CNOT2: variants seen among roughly 807,000 people sequenced by gnomAD.
CNOT2 encodes the protein CCR4-NOT transcription complex subunit 2.
CNOT2 carries 7 observed loss-of-function variants against 72.1 expected under a neutral mutation model. The observed-to-expected ratio is 0.10, with a 90% CI of 0.06 to 0.18. CNOT2 has a LOEUF of 0.18. Among genes scored for constraint, CNOT2 ranks in the 10% least tolerant of loss-of-function variants. The probability of loss-of-function intolerance (pLI) is 1.00; values close to 1 mark genes in which losing one functional copy is unlikely to be tolerated. For synonymous variants in CNOT2, 196 were observed against 225.6 expected, an observed-to-expected ratio of 0.87 and a Z score of 1.17; for missense variants, 345 against 660.3, an observed-to-expected ratio of 0.52 and a Z score of 5.23.
chr12:70,328,534 T>G (rs1186638441), intron 4 of CNOT2, among the ~76,000 whole-genome samples: 1 of 151,892 alleles, frequency 6.6e-6, no homozygotes, highest in African/African-American at 2.4e-5. Flanking sequence ...TTCTTGACTT[T>G]GAAGCATAAA....
intron 14 of CNOT2, 21 bp from the exon 15 acceptor site, chr12:70,346,157 ATC>A: frequency 6.4e-7 from 1 of 1,551,532 alleles, no homozygotes; most frequent in Non-Finnish European, 8.9e-7. Flanking sequence ...AAAGTTAATT[ATC>A]TTTTCTTTTA....
intron 1 of CNOT2, among the ~76,000 whole-genome samples, chr12:70,247,158 T>C (rs1298593516): frequency 6.6e-6 from 1 of 152,088 alleles, no homozygotes; most frequent in Admixed American, 6.6e-5. Context: ...ACATTTTCTT[T>C]TCCTTATTCT....
chr12:70,281,100 C>A (rs80126875), intron 2 of CNOT2, among the ~76,000 whole-genome samples: 81 of 88,832 alleles, frequency 9.1e-4, no homozygotes, highest in Admixed American at 4.2e-3. Flanking sequence ...TTTTTTTTTT[C>A]TTTTTTTTTG....
intron 4 of CNOT2, 42 bp downstream of exon 4, chr12:70,319,406 G>C: frequency 6.4e-7 from 1 of 1,563,968 alleles, no homozygotes; most frequent in East Asian, 2.2e-5. Flanking sequence ...TATTTAAAGA[G>C]AAAAATAAGT....
chr12:70,305,955 G>C (rs1028392306), intron 2 of CNOT2, among the ~76,000 whole-genome samples: 20 of 117,076 alleles, frequency 1.7e-4, no homozygotes, highest in African/African-American at 6.6e-4. Flanking sequence ...GTATTTAAAT[G>C]TTGAGAATGT....
At chr12:70,353,439 T>C (rs1032696003) in intron 15 of CNOT2, among the ~76,000 whole-genome samples, 3 of 152,318 alleles carry the variant, frequency 2.0e-5, no homozygotes, top group South Asian at 4.1e-4. Context: ...ACTTTTTTCA[T>C]GGACAAAATC....
intron 2 of CNOT2, among the ~76,000 whole-genome samples, chr12:70,295,028 A>T (rs1872593365): frequency 6.6e-6 from 1 of 152,060 alleles, no homozygotes. Flanking sequence ...TCATGATCTA[A>T]ACATCACAGA....
chr12:70,331,970 T>A (rs1365559823), intron 6 of CNOT2, among the ~76,000 whole-genome samples: 3 of 144,248 alleles, frequency 2.1e-5, no homozygotes, highest in South Asian at 2.2e-4. Flanking sequence ...TTCTGCCTTA[T>A]TTTTTTTTTT....
At chr12:70,318,369 T>A (rs997085440) in intron 3 of CNOT2, among the ~76,000 whole-genome samples, 1 of 151,918 alleles carries the variant, frequency 6.6e-6, no homozygotes. Context: ...ATTACAAATC[T>A]TTATTTTTTT....
intron 1 of CNOT2, among the ~76,000 whole-genome samples, chr12:70,270,439 G>T (rs1244298702): frequency 6.6e-6 from 1 of 152,032 alleles, no homozygotes. Flanking sequence ...TACATTAATA[G>T]TATACTACCA....
At chr12:70,280,607 A>G (rs1259756752) in intron 2 of CNOT2, among the ~76,000 whole-genome samples, 2 of 152,188 alleles carry the variant, frequency 1.3e-5, no homozygotes, top group Non-Finnish European at 2.9e-5. Context: ...ATAATAGGCT[A>G]ATATTGAAGA....
chr12:70,297,896 C>G (rs918909223), intron 2 of CNOT2: 1 of 185,498 alleles, frequency 5.4e-6, no homozygotes, highest in Non-Finnish European at 1.2e-5. Flanking sequence ...ACCACCACGC[C>G]CAACTAATTT....
chr12:70,304,193 G>A (rs956338092), intron 2 of CNOT2, among the ~76,000 whole-genome samples: 6 of 151,292 alleles, frequency 4.0e-5, no homozygotes, highest in African/African-American at 1.5e-4. Flanking sequence ...AAGCCTTCTT[G>A]TCTCAACTCA....
intron 7 of CNOT2, among the ~76,000 whole-genome samples, chr12:70,333,364 A>T (rs1462150291): frequency 6.6e-6 from 1 of 151,956 alleles, no homozygotes; most frequent in Non-Finnish European, 1.5e-5. Flanking sequence ...ATTTAGTTAC[A>T]TGGAAAACCA....
intron 1 of CNOT2, among the ~76,000 whole-genome samples, chr12:70,251,508 T>C (rs1958141951): frequency 6.6e-6 from 1 of 152,138 alleles, no homozygotes; most frequent in South Asian, 2.1e-4. Flanking sequence ...TGAGGTCTTA[T>C]CTTTTATGTG....
chr12:70,247,804 T>G (rs1459316284), intron 1 of CNOT2, among the ~76,000 whole-genome samples: 1 of 152,210 alleles, frequency 6.6e-6, no homozygotes, highest in Admixed American at 6.5e-5. Flanking sequence ...TAAACTGAAC[T>G]GTTGCTAGAT....
At chr12:70,264,943 CATTG>C in intron 1 of CNOT2, among the ~76,000 whole-genome samples, 1 of 151,908 alleles carries the variant, frequency 6.6e-6, no homozygotes, top group East Asian at 1.9e-4. Context: ...TGTTTTTTTT[CATTG>C]ATTGAATTTT....
chr12:70,316,248 T>G (rs1214401164), intron 3 of CNOT2, among the ~76,000 whole-genome samples: 1 of 152,202 alleles, frequency 6.6e-6, no homozygotes, highest in African/African-American at 2.4e-5. Flanking sequence ...AAGTTTTATA[T>G]TTTTCTAAGA....
In CNOT2 at chr12:70,296,757, G is replaced by GCCC. The variant is rs141226711; in HGVS notation, c.49-14130_49-14128dup. Among the ~76,000 whole-genome samples, 121 of 138,472 alleles carry GCCC rather than the reference G, an allele frequency of 8.7e-4. 1 individual carries two copies. Among genetic ancestry groups the GCCC allele is most frequent in the Admixed American group, 5.0e-3 (68 of 13,494 alleles). 90.8% of individuals were successfully genotyped at this position (138,472 alleles called of 152,430 possible). On this transcript the variant is annotated intron_variant, in intron 2 of 15. Coordinates refer to ENST00000229195, the MANE Select transcript of CNOT2 (RefSeq NM_014515.7). ...AGGTGCCTTTCTGTCCTTTATTTAA[G>GCCC]CCCCCCCCCCTTTTTAAATTGTTTT...
Sources: allele counts gnomAD v4.1 joint callset (sites outside exome capture counted in the v4.1 genomes callset), GRCh38; gene constraint gnomAD v4.1.1; transcripts MANE v1.5; gene names NCBI Gene and HGNC (gene_info 2026-07-23, HGNC 2026-07-21).